Variants in SCGB2B2 observed in about 807,000 individuals in gnomAD.
SCGB2B2 encodes the protein secretoglobin-like protein.
Under a neutral mutation model 7.6 loss-of-function variants are expected in SCGB2B2, and 11 were observed. The observed-to-expected ratio is 1.45, with a 90% CI of 0.91 to 2.40. SCGB2B2 has a LOEUF of 2.40. SCGB2B2 is among the 30% of genes most tolerant of loss of function. The probability of loss-of-function intolerance (pLI) is 0.00; values close to 1 mark genes in which losing one functional copy is unlikely to be tolerated. For synonymous variants in SCGB2B2, 50 were observed against 48.6 expected, an observed-to-expected ratio of 1.03 and a Z score of -0.12; for missense variants, 104 against 115.4, an observed-to-expected ratio of 0.90 and a Z score of 0.45.
At chr19:34,655,102 A>C (rs2067249081) in intron 1 of SCGB2B2, among the ~76,000 whole-genome samples, 1 of 151,334 alleles carries the variant, frequency 6.6e-6, no homozygotes, top group African/African-American at 2.5e-5. Context: ...TGTAAACAAA[A>C]AATAAAATTC....
intron 1 of SCGB2B2, among the ~76,000 whole-genome samples, chr19:34,659,340 A>G (rs2146124139): frequency 6.6e-6 from 1 of 152,250 alleles, no homozygotes; most frequent in East Asian, 1.9e-4. Flanking sequence ...GGAAAAGAGG[A>G]GTCAAATTGT....
intron 1 of SCGB2B2, among the ~76,000 whole-genome samples, chr19:34,640,938 A>C (rs2066823338): frequency 6.6e-6 from 1 of 152,154 alleles, no homozygotes; most frequent in Admixed American, 6.5e-5. Context: ...ACTTGGTTAT[A>C]TCTCCTAAGG....
At chr19:34,607,361 T>C (rs572176199) in intron 1 of SCGB2B2, among the ~76,000 whole-genome samples, 12 of 152,344 alleles carry the variant, frequency 7.9e-5, no homozygotes, top group South Asian at 4.1e-4. Context: ...CATTCATCCA[T>C]TGACAGGCAT....
At chr19:34,673,736 G>A (rs1474912309) in intron 1 of SCGB2B2, among the ~76,000 whole-genome samples, 4 of 152,258 alleles carry the variant, frequency 2.6e-5, no homozygotes, top group East Asian at 1.9e-4. Flanking sequence ...ATATTGTTAC[G>A]GGTATTGGGA....
downstream of SCGB2B2, among the ~76,000 whole-genome samples, chr19:34,587,461 A>G (rs562717811): frequency 4.6e-5 from 7 of 152,106 alleles, no homozygotes; most frequent in Non-Finnish European, 8.8e-5. Context: ...TCATAAGATC[A>G]TGTCCTCTGC....
At chr19:34,656,865 A>C (rs2067296510) in intron 1 of SCGB2B2, among the ~76,000 whole-genome samples, 2 of 151,348 alleles carry the variant, frequency 1.3e-5, no homozygotes, top group Admixed American at 1.3e-4. Context: ...GAAACAAGCA[A>C]AAAAGAAATT....
intron 1 of SCGB2B2, among the ~76,000 whole-genome samples, chr19:34,649,090 T>C (rs1391130658): frequency 2.0e-5 from 3 of 152,054 alleles, no homozygotes; most frequent in Non-Finnish European, 2.9e-5. Flanking sequence ...CTTTCTTTAG[T>C]AGAGACAGGG....
At position 34,591,063 on chromosome 19, in the gene SCGB2B2, C is replaced by A. The variant is rs2065285481; in HGVS notation, c.*2492G>T. On this transcript the variant is annotated 3_prime_UTR_variant, in exon 4 of 4. Transcript: ENST00000601241. The stretch of plus-strand genomic sequence containing the variant: ...TCTTTAGCTCCACAGATTTAAATTC[C>A]ATTGAAATGCTGAAATTTACATGTT... Among the ~76,000 whole-genome samples, 1 of 152,130 alleles carries A rather than the reference C, an allele frequency of 6.6e-6. No homozygotes were observed. The highest frequency in any genetic ancestry group is 2.4e-5 in the African/African-American group (1 of 41,422).
chr19:34,611,699 G>A (rs1193570070), intron 1 of SCGB2B2, among the ~76,000 whole-genome samples: 1 of 151,002 alleles, frequency 6.6e-6, no homozygotes, highest in Non-Finnish European at 1.5e-5. Context: ...GCCCAGGCTG[G>A]AGTGCAGTGG....
rs775366631 is a variant in SCGB2B2, at chr19:34,651,509, C to T, written c.-2032+24121G>A. Among the ~76,000 whole-genome samples the T allele has an allele frequency of 9.9e-5, 15 of 150,818 alleles. 1 individual carries two copies. Among genetic ancestry groups the T allele is most frequent in the African/African-American group, 3.5e-4 (14 of 40,344 alleles). On this transcript the variant is annotated intron_variant, in intron 1 of 3. Transcript: ENST00000601241. Reference sequence around the variant, plus strand: ...ATCAACAACAAATTAGAAAAGAAATCGAGAAAGCAATCTTATATGAAATAG... The same window carrying T: ...ATCAACAACAAATTAGAAAAGAAATTGAGAAAGCAATCTTATATGAAATAG...
intron 3 of SCGB2B2, 126 bp downstream of exon 3, chr19:34,594,049 T>C: frequency 1.3e-6 from 1 of 756,894 alleles, no homozygotes; most frequent in South Asian, 1.8e-5. Context: ...TCATCTGATT[T>C]TGCGCATCCT....
chr19:34,629,960 A>T (rs538064777), intron 1 of SCGB2B2, among the ~76,000 whole-genome samples: 1 of 152,006 alleles, frequency 6.6e-6, no homozygotes, highest in East Asian at 1.9e-4. Flanking sequence ...ATAATGCTGC[A>T]TATCTACAAC....
rs1161877703 is a variant in SCGB2B2, at chr19:34,635,147, G to A, written c.-2031-38553C>T. The A allele has an allele frequency of 1.3e-5, 4 of 298,212 alleles. No homozygotes were observed. In the Admixed American group the frequency reaches 1.5e-4, roughly 11 times the overall value. 18.5% of individuals were successfully genotyped at this position (298,212 alleles called of 1,614,324 possible). A position where few individuals can be genotyped will look rare whatever the true frequency, so the allele number is the denominator to read the frequency against. The stretch of plus-strand genomic sequence containing the variant: ...TGGTGTTCAATAAGGCCATAGCTTT[G>A]TCTAAAGGATTTCCCACATTCACTG... On this transcript the variant is annotated intron_variant, in intron 1 of 3. Coordinates refer to ENST00000601241, the MANE Select transcript of SCGB2B2 (RefSeq NM_001025591.4).
rs565008760 is a variant in SCGB2B2 at position 34,641,007 on chromosome 19, C to T, written c.-2032+34623G>A. ...CCTTCTTTATAGGTACTATTAATGC[C>T]CTAGCCCAGCAACCTGACTTATTAT... On this transcript the variant is annotated intron_variant, in intron 1 of 3. Coordinates refer to ENST00000601241, the MANE Select transcript of SCGB2B2 (RefSeq NM_001025591.4). 7.9e-5 allele frequency among the ~76,000 whole-genome samples: 12 copies of T among 152,072 alleles called. No individual in the cohort carries two copies. The East Asian group carries it at 1.5e-3, about 20-fold the overall frequency.
At chr19:34,654,956 C>T (rs1186504754) in intron 1 of SCGB2B2, among the ~76,000 whole-genome samples, 2 of 151,286 alleles carry the variant, frequency 1.3e-5, no homozygotes, top group African/African-American at 4.9e-5. Flanking sequence ...CCTTCGGGCA[C>T]TTACACCACT....
intron 1 of SCGB2B2, chr19:34,608,659 G>GGATA (rs1600044009): frequency 4.2e-5 from 1 of 24,066 alleles, no homozygotes; most frequent in East Asian, 1.6e-3. Context: ...GTGTCTCATT[G>GGATA]CATATATATA....
chr19:34,658,817 A>ACAAC lies in SCGB2B2; in HGVS notation c.-2032+16812_-2032+16813insGTTG, dbSNP rs59493943. ...CAACAACAACAACAACAACAACAAA[A>ACAAC]AAAAAAAAAAAAAAAAAAGAGAGAG... On this transcript the variant is annotated intron_variant, in intron 1 of 3. Transcript: ENST00000601241. Among the ~76,000 whole-genome samples, 561 of 129,274 alleles carry ACAAC rather than the reference A, an allele frequency of 4.3e-3. 1 individual carries two copies. Among genetic ancestry groups the ACAAC allele is most frequent in the Non-Finnish European group, 6.6e-3 (390 of 58,920 alleles). 84.8% of individuals were successfully genotyped at this position (129,274 alleles called of 152,430 possible).
At chr19:34,643,410 G>A (rs561546868) in intron 1 of SCGB2B2, among the ~76,000 whole-genome samples, 29 of 152,178 alleles carry the variant, frequency 1.9e-4, no homozygotes, top group Non-Finnish European at 4.0e-4. Flanking sequence ...GACACTACAG[G>A]CTGGGAAGGG....
chr19:34,650,499 C>T (rs1308167904), intron 1 of SCGB2B2, among the ~76,000 whole-genome samples: 1 of 151,074 alleles, frequency 6.6e-6, no homozygotes, highest in Non-Finnish European at 1.5e-5. Flanking sequence ...CAAATTAGAA[C>T]ACCTAGCAAA....
Sources: gnomAD v4.1 joint callset for allele counts (sites outside exome capture counted in the v4.1 genomes callset) on GRCh38, gnomAD v4.1.1 for gene constraint, MANE v1.5 for transcripts, NCBI Gene and HGNC (gene_info 2026-07-23, HGNC 2026-07-21) for gene names.